Variants in GLRX5 observed in about 807,000 individuals in gnomAD.
GLRX5 encodes the protein glutaredoxin-related protein 5, mitochondrial.
In GLRX5, 10 loss-of-function variants were observed where a neutral mutation model predicts 13.8. The observed-to-expected ratio is 0.72, with a 90% CI of 0.45 to 1.23. The LOEUF (loss-of-function observed/expected upper bound fraction) is 1.23, where lower values mean the gene tolerates loss of function less well. Ranked by LOEUF, GLRX5 falls within the 50% of genes most tolerant of loss-of-function variation. GLRX5 has a pLI of 0.00. For missense variants in GLRX5, 233 were observed against 215.2 expected (o/e 1.08, Z -0.52); for synonymous variants, 98 against 101.1 (o/e 0.97, Z 0.18).
rs1196139308 is a variant in GLRX5 at position 95,544,304 on chromosome 14, T to C, written c.*179T>C. 2 of 640,064 alleles carry C rather than the reference T, an allele frequency of 3.1e-6. No homozygotes were observed. Among genetic ancestry groups the C allele is most frequent in the Non-Finnish European group, 5.6e-6 (2 of 354,556 alleles). 39.6% of individuals were successfully genotyped at this position (640,064 alleles called of 1,614,324 possible). ...TGGTGTTCGGGCTAAGAATATTTTATTGTGGACTTAATTACAACCACTGCA... is the reference window on the plus strand; with the variant it reads ...TGGTGTTCGGGCTAAGAATATTTTACTGTGGACTTAATTACAACCACTGCA... On this transcript the variant is annotated 3_prime_UTR_variant, in exon 2 of 2. Transcript: ENST00000331334.
intron 1 of GLRX5, among the ~76,000 whole-genome samples, chr14:95,535,804 G>T (rs75244448): frequency 6.6e-6 from 1 of 152,140 alleles, no homozygotes. Context: ...CTTTGGGGAG[G>T]TTGGAAGCCA....
In GLRX5 at chr14:95,535,366, G is replaced by T; in HGVS notation, c.277G>T (p.Asp93Tyr). 7.1e-6 allele frequency: 11 copies of T among 1,551,366 alleles called. No homozygotes were observed. The highest frequency in any genetic ancestry group is 9.6e-6 in the Non-Finnish European group (11 of 1,147,786). Reference protein sequence around the residue: ...RDYAAYNVLDDPELRQGIKDY... With the variant: ...RDYAAYNVLDYPELRQGIKDY... ...TTACGCGGCCTACAACGTGCTGGAC[G>T]ACCCGGAGCTCCGACAAGGTCAGGC... The change falls in exon 1 of 2, where the codon GAC becomes TAC. Residue 93 changes from aspartate (D) to tyrosine (Y), a missense_variant. Physicochemically the swap from Asp to Tyr is radical, Grantham distance 160. Transcript: ENST00000331334.
At position 95,535,255 on chromosome 14, in the gene GLRX5, G is replaced by T. The variant is rs1891342444; in HGVS notation, c.166G>T (p.Val56Phe). The stretch of plus-strand genomic sequence containing the variant: ...GCTGGTGAAGAAGGACAAGGTGGTG[G>T]TCTTCCTCAAGGGGACGCCGGAGCA... ...DALVKKDKVV[V>F]FLKGTPEQPQ... Residue 56 changes from valine (V) to phenylalanine (F), a missense_variant, in exon 1 of 2, where the codon GTC becomes TTC. Physicochemically the swap from Val to Phe is conservative, Grantham distance 50 (BLOSUM62 -1). Transcript: ENST00000331334. 1.9e-6 allele frequency: 3 copies of T among 1,571,492 alleles called. No individual in the cohort carries two copies. The highest frequency in any genetic ancestry group is 2.6e-6 in the Non-Finnish European group (3 of 1,160,396).
Position 95,535,468 on chromosome 14 carries a change from G to A in GLRX5, c.295+84G>A, listed in dbSNP as rs546209539. 2.9e-5 allele frequency: 39 copies of A among 1,351,306 alleles called. No individual in the cohort carries two copies. In the African/African-American group the frequency reaches 5.5e-4, roughly 19 times the overall value. The allele number at this position is 1,351,306 out of a possible 1,614,324, so 83.7% of individuals were successfully genotyped here. A position where few individuals can be genotyped will look rare whatever the true frequency, so the allele number is the denominator to read the frequency against. Reference sequence around the variant, plus strand: ...GAGGCCGAGGGGTTCCGCCGCGCCGGGCTGGGGAGCGGGGCTCCATCCGCC... The same window carrying A: ...GAGGCCGAGGGGTTCCGCCGCGCCGAGCTGGGGAGCGGGGCTCCATCCGCC... On this transcript the variant is annotated intron_variant, in intron 1 of 1. Coordinates refer to ENST00000331334, the MANE Select transcript of GLRX5 (RefSeq NM_016417.3).
At chr14:95,539,433 C>T (rs1891435400) in intron 1 of GLRX5, among the ~76,000 whole-genome samples, 1 of 152,228 alleles carries the variant, frequency 6.6e-6, no homozygotes, top group African/African-American at 2.4e-5. Context: ...ATGTATTTAA[C>T]ATGGCTGAAT....
At position 95,544,670 on chromosome 14, in the gene GLRX5, A is replaced by G. The variant is rs571981256; in HGVS notation, c.*545A>G. On this transcript the variant is annotated 3_prime_UTR_variant, in exon 2 of 2. Coordinates refer to ENST00000331334, the MANE Select transcript of GLRX5 (RefSeq NM_016417.3). Reference sequence around the variant, plus strand: ...TGCCTGCAGTGTTTTATGTGTGGGAAGTAAGGGTGAGTCTCATATTCTTCT... The same window carrying G: ...TGCCTGCAGTGTTTTATGTGTGGGAGGTAAGGGTGAGTCTCATATTCTTCT... The G allele has an allele frequency of 1.3e-5, 2 of 157,434 alleles. No individual in the cohort carries two copies. Among genetic ancestry groups the G allele is most frequent in the South Asian group, 1.9e-4 (1 of 5,368 alleles). The allele number at this position is 157,434 out of a possible 1,614,324, so 9.8% of individuals were successfully genotyped here. A position where few individuals can be genotyped will look rare whatever the true frequency, so the allele number is the denominator to read the frequency against.
Position 95,544,456 on chromosome 14 carries a change from C to T in GLRX5, c.*331C>T, listed in dbSNP as rs1188854001. On this transcript the variant is annotated 3_prime_UTR_variant, in exon 2 of 2. Coordinates refer to ENST00000331334, the MANE Select transcript of GLRX5 (RefSeq NM_016417.3). ...GGAATCATTATTCATGACCCCTCTG[C>T]AAATGTGTCAGTCTCCAAAGAGAGT... The T allele has an allele frequency of 3.7e-6, 1 of 270,684 alleles. No homozygotes were observed. The highest frequency in any genetic ancestry group is 7.2e-6 in the Non-Finnish European group (1 of 139,348). The allele number at this position is 270,684 out of a possible 1,614,324, so 16.8% of individuals were successfully genotyped here.
At position 95,535,098 on chromosome 14, in the gene GLRX5, G is replaced by A; in HGVS notation, c.9G>A (p.Gly3=). 2.3e-6 allele frequency: 3 copies of A among 1,318,938 alleles called. No homozygotes were observed. Among genetic ancestry groups the A allele is most frequent in the Non-Finnish European group, 2.9e-6 (3 of 1,021,454 alleles). 81.7% of individuals were successfully genotyped at this position (1,318,938 alleles called of 1,614,324 possible). Residue 3 remains glycine, a synonymous_variant, in exon 1 of 2, where the codon GGG becomes GGA. Coordinates refer to ENST00000331334, the MANE Select transcript of GLRX5 (RefSeq NM_016417.3). ...CCGGCTTGCGTGCGGAGATGAGCGG[G>A]TCCCTCGGCCGAGCTGCGGCGGCTC... is the stretch of plus-strand genomic sequence containing the variant. MS[G]SLGRAAAALL... is the part of the protein sequence containing the mutation.
chr14:95,537,660 A>C (rs905759112), intron 1 of GLRX5, among the ~76,000 whole-genome samples: 1 of 152,236 alleles, frequency 6.6e-6, no homozygotes, highest in Non-Finnish European at 1.5e-5. Context: ...ATCCAAGGTC[A>C]TTTCTAGTAA....
At chr14:95,537,182 CTT>C (rs1254557824) in intron 1 of GLRX5, among the ~76,000 whole-genome samples, 2 of 152,136 alleles carry the variant, frequency 1.3e-5, no homozygotes, top group Non-Finnish European at 2.9e-5. Context: ...TTTATTTTCT[CTT>C]GTTTAATATA....
At chr14:95,539,840 G>A (rs1007964493) in intron 1 of GLRX5, among the ~76,000 whole-genome samples, 5 of 151,950 alleles carry the variant, frequency 3.3e-5, no homozygotes, top group Admixed American at 6.6e-5. Context: ...TTTGTAAAAC[G>A]CTTAAAGAGT....
intron 1 of GLRX5, chr14:95,543,120 CT>C: frequency 2.2e-6 from 1 of 455,958 alleles, no homozygotes; most frequent in South Asian, 1.5e-5. Flanking sequence ...GCTGTGAGCG[CT>C]TAAGAGCAGA....
intron 1 of GLRX5, among the ~76,000 whole-genome samples, chr14:95,537,974 G>A (rs1254803970): frequency 6.6e-6 from 1 of 152,062 alleles, no homozygotes; most frequent in Non-Finnish European, 1.5e-5. Context: ...TCCTAATCCT[G>A]GTCTTAATAA....
intron 1 of GLRX5, among the ~76,000 whole-genome samples, chr14:95,537,856 A>G (rs772547827): frequency 5.1e-4 from 78 of 152,252 alleles, no homozygotes; most frequent in African/African-American, 1.6e-3. Context: ...ATGAGGCAGC[A>G]TTGTGTTCTG....
intron 1 of GLRX5, among the ~76,000 whole-genome samples, chr14:95,536,174 C>T (rs1891374741): frequency 6.6e-6 from 1 of 152,162 alleles, no homozygotes; most frequent in Non-Finnish European, 1.5e-5. Context: ...CACCAGGGAC[C>T]AGATGGATTA....
At chr14:95,540,184 C>T (rs557364244) in intron 1 of GLRX5, among the ~76,000 whole-genome samples, 1 of 152,286 alleles carries the variant, frequency 6.6e-6, no homozygotes, top group South Asian at 2.1e-4. Flanking sequence ...AGCCACCGCA[C>T]CTGGCCTGAA....
At chr14:95,541,568 A>T (rs1891473590) in intron 1 of GLRX5, among the ~76,000 whole-genome samples, 1 of 152,250 alleles carries the variant, frequency 6.6e-6, no homozygotes. Context: ...AGAAGTTAGT[A>T]TCACTTGCAT....
At chr14:95,536,496 A>G (rs1054175571) in intron 1 of GLRX5, among the ~76,000 whole-genome samples, 2 of 152,202 alleles carry the variant, frequency 1.3e-5, no homozygotes, top group African/African-American at 4.8e-5. Flanking sequence ...CGAAATTACT[A>G]ATCATAGTCA....
intron 1 of GLRX5, among the ~76,000 whole-genome samples, chr14:95,539,913 G>T (rs1337850682): frequency 6.8e-6 from 1 of 147,982 alleles, no homozygotes; most frequent in Non-Finnish European, 1.5e-5. Context: ...TTTTTTTTGA[G>T]AGAGTGTTAC....
Sources: gnomAD v4.1 joint callset for allele counts (sites outside exome capture counted in the v4.1 genomes callset) on GRCh38, gnomAD v4.1.1 for gene constraint, MANE v1.5 for transcripts, NCBI Gene and HGNC (gene_info 2026-07-23, HGNC 2026-07-21) for gene names.